SYT7: variants seen among roughly 807,000 people sequenced by gnomAD.
SYT7 encodes the protein synaptotagmin 7, also known as synaptotagmin-7.
SYT7 carries 29 observed loss-of-function variants against 75.1 expected under a neutral mutation model. The ratio of observed to expected loss-of-function variants is 0.39; its 90% CI spans 0.29 to 0.53. The LOEUF is 0.53. Ranked by LOEUF, SYT7 falls within the 20% of genes least tolerant of loss-of-function variation. The pLI is 0.77. For synonymous variants in SYT7, 376 were observed against 401.7 expected (o/e 0.94, Z 0.76); for missense variants, 693 against 953.2 (o/e 0.73, Z 3.59).
rs2064231158 is a variant in SYT7, at chr11:61,580,595, T to C, written c.31+195A>G. 6.6e-6 allele frequency among the ~76,000 whole-genome samples: 1 copy of C among 151,978 alleles called. No individual in the cohort carries two copies. Among genetic ancestry groups the C allele is most frequent in the African/African-American group, 2.4e-5 (1 of 41,410 alleles). ...GTCCCAGACATCCAGCCTGGCAGTG[T>C]CCAGACTGCGGGGGACCGGGGTCCG... On this transcript the variant is annotated intron_variant, in intron 1 of 12. Coordinates refer to ENST00000539008, the MANE Select transcript of SYT7 (RefSeq NM_001365809.2). This position sits in a 1 kb window ranked among gnomAD's most constrained non-coding sequence, Gnocchi z 6.1.
intron 1 of SYT7, among the ~76,000 whole-genome samples, chr11:61,568,313 A>C (rs1474903196): frequency 6.6e-6 from 1 of 152,186 alleles, no homozygotes; most frequent in African/African-American, 2.4e-5. Context: ...AAAACAAATA[A>C]TACCACGTGA....
At chr11:61,559,930 G>A (rs544368671) in intron 1 of SYT7, among the ~76,000 whole-genome samples, 1 of 152,312 alleles carries the variant, frequency 6.6e-6, no homozygotes, top group Non-Finnish European at 1.5e-5. Context: ...CCCTAGTCCA[G>A]CTGCTAACCA....
In SYT7 at chr11:61,576,515, T is replaced by C. The variant is rs931688318; in HGVS notation, c.31+4275A>G. Among the ~76,000 whole-genome samples, 22 of 152,190 alleles carry C rather than the reference T, an allele frequency of 1.4e-4. No individual in the cohort carries two copies. The highest frequency in any genetic ancestry group is 5.3e-4 in the African/African-American group (22 of 41,448). On this transcript the variant is annotated intron_variant, in intron 1 of 12. Transcript: ENST00000539008. This position sits in a 1 kb window ranked among gnomAD's most constrained non-coding sequence, Gnocchi z 4.1. ...GATGCCACAGTGCTCTGAGGAGCCA[T>C]CAAGCCAACTCATTCTCCAGCTGGG...
chr11:61,531,496 A>T (rs1288512900), intron 8 of SYT7, among the ~76,000 whole-genome samples: 2 of 151,738 alleles, frequency 1.3e-5, no homozygotes, highest in Non-Finnish European at 2.9e-5. Flanking sequence ...GGAGGGCCAG[A>T]CACACAGGGG....
intron 1 of SYT7, among the ~76,000 whole-genome samples, chr11:61,571,981 C>G (rs917556351): frequency 6.6e-6 from 1 of 152,226 alleles, no homozygotes; most frequent in East Asian, 1.9e-4. Context: ...ACCCTATCCC[C>G]GGTCCCTGCT....
rs928566605 is a variant in SYT7 at position 61,518,555 on chromosome 11, C to T, written c.*72G>A. The T allele has an allele frequency of 1.2e-4, 134 of 1,122,344 alleles. No homozygotes were observed. The highest frequency in any genetic ancestry group is 1.6e-4 in the Non-Finnish European group (130 of 804,370). 69.5% of individuals were successfully genotyped at this position (1,122,344 alleles called of 1,614,324 possible). On this transcript the variant is annotated 3_prime_UTR_variant, in exon 13 of 13. Coordinates refer to ENST00000539008, the MANE Select transcript of SYT7 (RefSeq NM_001365809.2). ...CCTATGGCAGGGGGCTCAGGCCGGG[C>T]GTTGTGCATAAAGTGGTGAGGGCAT... is the stretch of plus-strand genomic sequence containing the variant.
Position 61,576,301 on chromosome 11 carries a change from A to G in SYT7, c.31+4489T>C, listed in dbSNP as rs2064075988. On this transcript the variant is annotated intron_variant, in intron 1 of 12. Coordinates refer to ENST00000539008, the MANE Select transcript of SYT7 (RefSeq NM_001365809.2). This position sits in a 1 kb window ranked among gnomAD's most constrained non-coding sequence, Gnocchi z 4.1. ...CTGGCAGAATTCACCTGGCATCACC[A>G]GCTGGGGTTCCCTGGCAAGGCAGGC... Among the ~76,000 whole-genome samples, 2 of 152,206 alleles carry G rather than the reference A, an allele frequency of 1.3e-5. No homozygotes were observed. Among genetic ancestry groups the G allele is most frequent in the African/African-American group, 4.8e-5 (2 of 41,464 alleles).
intron 8 of SYT7, 108 bp from the exon 9 acceptor site, chr11:61,528,293 A>G: frequency 7.3e-7 from 1 of 1,362,586 alleles, no homozygotes; most frequent in Non-Finnish European, 1.0e-6. Context: ...CCCAGCCCAC[A>G]CTCACATCCC....
rs1353453902 is a variant in SYT7, at chr11:61,514,918, G to A, written c.*3709C>T. On this transcript the variant is annotated 3_prime_UTR_variant, in exon 13 of 13. Coordinates refer to ENST00000539008, the MANE Select transcript of SYT7 (RefSeq NM_001365809.2). Reference sequence around the variant, plus strand: ...ACAGTGGCCCCATGGATGGTGGTGGGAAAGCTGGAGCGTCCCCCTTTGGTT... The same window carrying A: ...ACAGTGGCCCCATGGATGGTGGTGGAAAAGCTGGAGCGTCCCCCTTTGGTT... 1.1e-4 allele frequency among the ~76,000 whole-genome samples: 16 copies of A among 152,204 alleles called. No homozygotes were observed. Among genetic ancestry groups the A allele is most frequent in the Non-Finnish European group, 2.2e-4 (15 of 68,030 alleles).
At chr11:61,562,044 A>G (rs989082846) in intron 1 of SYT7, among the ~76,000 whole-genome samples, 1 of 149,400 alleles carries the variant, frequency 6.7e-6, no homozygotes, top group African/African-American at 2.6e-5. Context: ...ATGCACACAC[A>G]TATGCACACA....
intron 7 of SYT7, chr11:61,533,396 C>A: frequency 1.0e-6 from 1 of 985,392 alleles, no homozygotes; most frequent in Non-Finnish European, 1.2e-6. Context: ...TCTTCCTGTT[C>A]CCCAGAAACC....
Position 61,546,420 on chromosome 11 carries a change from G to T in SYT7, c.348-165C>A. On this transcript the variant is annotated intron_variant, in intron 4 of 12. Coordinates refer to ENST00000539008, the MANE Select transcript of SYT7 (RefSeq NM_001365809.2). The surrounding 1 kb of genome is among the most constrained non-coding windows in gnomAD (Gnocchi z 7.6). ...GAGAGGAGGAGGAGAGAGACAGACG[G>T]ACATGAGACAGACAGAGAGAGAGAG... 1 of 569,490 alleles carries T rather than the reference G, an allele frequency of 1.8e-6. No individual in the cohort carries two copies. The highest frequency in any genetic ancestry group is 3.1e-6 in the Non-Finnish European group (1 of 324,334). 35.3% of individuals were successfully genotyped at this position (569,490 alleles called of 1,614,324 possible). A position where few individuals can be genotyped will look rare whatever the true frequency, so the allele number is the denominator to read the frequency against.
rs1294012913 is a variant in SYT7 at position 61,538,144 on chromosome 11, C to T, written c.1064G>A (p.Arg355Lys). Reference sequence around the variant, plus strand: ...CGCAGGCCCTCGCCTGTGCTCGTACCTCTTGTCCCCCTGAGCGTTCTGGTT... The same window carrying T: ...CGCAGGCCCTCGCCTGTGCTCGTACTTCTTGTCCCCCTGAGCGTTCTGGTT... Reference protein sequence around the residue: ...QQNQNAQGDKRLPAGGKAVNT... With the variant: ...QQNQNAQGDKKLPAGGKAVNT... The change falls in exon 7 of 13, where the codon AGG becomes AAG. Residue 355 changes from arginine (R) to lysine (K), a missense_variant and splice_region_variant. By Grantham distance (26) the Arg-to-Lys change is conservative. Coordinates refer to ENST00000539008, the MANE Select transcript of SYT7 (RefSeq NM_001365809.2). 2.7e-5 allele frequency: 41 copies of T among 1,535,922 alleles called. No individual in the cohort carries two copies. Among genetic ancestry groups the T allele is most frequent in the Non-Finnish European group, 3.5e-5 (40 of 1,146,828 alleles).
At chr11:61,569,964 A>G (rs972918220) in intron 1 of SYT7, among the ~76,000 whole-genome samples, 3 of 152,184 alleles carry the variant, frequency 2.0e-5, no homozygotes, top group Admixed American at 6.5e-5. Context: ...CAGATGCTCC[A>G]CTCACCCGGG....
chr11:61,523,964 T>C lies in SYT7; in HGVS notation c.1642-23A>G. ...CCCCTGGGAGGCACGACAGGAGGGG[T>C]GTGGGGAACTAGGCTAGCAGAGCTC... On this transcript the variant is annotated intron_variant, in intron 10 of 12. Coordinates refer to ENST00000539008, the MANE Select transcript of SYT7 (RefSeq NM_001365809.2). This position sits in a 1 kb window ranked among gnomAD's most constrained non-coding sequence, Gnocchi z 5.0. The C allele has an allele frequency of 6.2e-7, 1 of 1,607,084 alleles. No individual in the cohort carries two copies. Among genetic ancestry groups the C allele is most frequent in the Non-Finnish European group, 8.5e-7 (1 of 1,174,068 alleles).
intron 7 of SYT7, among the ~76,000 whole-genome samples, chr11:61,537,801 TG>T (rs1369966340): frequency 6.6e-6 from 1 of 151,608 alleles, no homozygotes; most frequent in Non-Finnish European, 1.5e-5. Flanking sequence ...GATTTCCAGT[TG>T]GGGTGGGGAC....
intron 1 of SYT7, among the ~76,000 whole-genome samples, chr11:61,559,254 C>T (rs1013701427): frequency 6.6e-6 from 1 of 152,140 alleles, no homozygotes; most frequent in South Asian, 2.1e-4. Flanking sequence ...GGGAAGGCCA[C>T]CCTGAGGAGG....
At position 61,549,769 on chromosome 11, in the gene SYT7, G is replaced by A. The variant is rs948874973; in HGVS notation, c.215+1615C>T. On this transcript the variant is annotated intron_variant, in intron 3 of 12. Transcript: ENST00000539008. ...CTGCAGGACCACACAGAGGCAGGCTGGACGGCCGCTGCTGCCTCACTTTGT... is the reference window on the plus strand; with the variant it reads ...CTGCAGGACCACACAGAGGCAGGCTAGACGGCCGCTGCTGCCTCACTTTGT... Among the ~76,000 whole-genome samples the A allele has an allele frequency of 2.6e-5, 4 of 152,208 alleles. No individual in the cohort carries two copies. In the South Asian group the frequency reaches 8.3e-4, roughly 31 times the overall value.
In SYT7 at chr11:61,518,665, G is replaced by A. The variant is rs1274898225; in HGVS notation, c.2023C>T (p.Arg675Trp). 5.2e-6 allele frequency: 8 copies of A among 1,549,152 alleles called. No homozygotes were observed. Among genetic ancestry groups the A allele is most frequent in the Admixed American group, 2.0e-5 (1 of 50,876 alleles). The part of the protein sequence containing the change: ...KHWKDMIARP[R>W]QPVAQWHQLK... Reference sequence around the variant, plus strand: ...TGGTGCCACTGGGCCACGGGCTGCCGGGGACGGGCAATCATGTCCTTCCAG... The same window carrying A: ...TGGTGCCACTGGGCCACGGGCTGCCAGGGACGGGCAATCATGTCCTTCCAG... Residue 675 changes from arginine to tryptophan, a missense_variant, in exon 13 of 13, where the codon CGG becomes TGG. Transcript: ENST00000539008.
Sources: allele counts gnomAD v4.1 joint callset (sites outside exome capture counted in the v4.1 genomes callset), GRCh38; gene constraint gnomAD v4.1.1; non-coding constraint Gnocchi (gnomAD v3.1); transcripts MANE v1.5; gene names NCBI Gene and HGNC (gene_info 2026-07-23, HGNC 2026-07-21).